The following SCUBE2 variants were observed in gnomAD, a reference collection of about 807,000 sequenced individuals.
SCUBE2 encodes the protein signal peptide, CUB and EGF-like domain-containing protein 2.
In SCUBE2, 114 loss-of-function variants were observed where a neutral mutation model predicts 125.9. That is an observed-to-expected ratio of 0.91 (90% confidence interval 0.78 to 1.06). SCUBE2 has a LOEUF of 1.06. SCUBE2 is among the 50% of genes least tolerant of loss of function. SCUBE2 has a pLI of 0.00. For missense variants in SCUBE2, 1,255 were observed against 1,301.8 expected (o/e 0.96, Z 0.55); for synonymous variants, 459 against 492.9 (o/e 0.93, Z 0.91).
chr11:9,023,368 CTTTTA>C (rs1009132631), intron 21 of SCUBE2, among the ~76,000 whole-genome samples: 1 of 150,730 alleles, frequency 6.6e-6, no homozygotes, highest in Admixed American at 6.6e-5. Flanking sequence ...TGGTGTCTTT[CTTTTA>C]TTTTAGTGAA....
At chr11:9,068,314 T>C (rs1253547220) in intron 5 of SCUBE2, among the ~76,000 whole-genome samples, 1 of 152,190 alleles carries the variant, frequency 6.6e-6, no homozygotes, top group Non-Finnish European at 1.5e-5. Context: ...GCCAGTGGTT[T>C]CCTGTTCCCA....
At chr11:9,025,318 G>A (rs761056529) in intron 21 of SCUBE2, among the ~76,000 whole-genome samples, 4 of 152,136 alleles carry the variant, frequency 2.6e-5, no homozygotes, top group East Asian at 1.9e-4. Context: ...ACTGCCTCAC[G>A]TCCTTTAGGA....
intron 10 of SCUBE2, among the ~76,000 whole-genome samples, chr11:9,054,546 A>G (rs1858802063): frequency 6.6e-6 from 1 of 151,624 alleles, no homozygotes; most frequent in Admixed American, 6.6e-5. Context: ...GTCCAGATCA[A>G]AAGGTAGCTC....
intron 10 of SCUBE2, among the ~76,000 whole-genome samples, chr11:9,055,205 G>T (rs1858959092): frequency 6.6e-6 from 1 of 152,232 alleles, no homozygotes; most frequent in South Asian, 2.1e-4. Context: ...GGCTGGGGGA[G>T]TGGAGTGGGA....
intron 18 of SCUBE2, 64 bp downstream of exon 18, chr11:9,030,694 A>G: frequency 3.3e-6 from 5 of 1,523,586 alleles, no homozygotes; most frequent in Non-Finnish European, 8.9e-7. Context: ...GAGCCTCACG[A>G]GACTCCCATG....
Position 9,091,309 on chromosome 11 carries a change from G to A in SCUBE2, c.133+87C>T, listed in dbSNP as rs977603748. ...CAGCCGCCAGCCCCGAGCCCCGCGCGCCCGGCTCTGGACTCCGCCGGGGAC... is the reference window on the plus strand; with the variant it reads ...CAGCCGCCAGCCCCGAGCCCCGCGCACCCGGCTCTGGACTCCGCCGGGGAC... On this transcript the variant is annotated intron_variant, in intron 1 of 22. Coordinates refer to ENST00000649792, the MANE Select transcript of SCUBE2 (RefSeq NM_001367977.2). This position sits in a 1 kb window ranked among gnomAD's most constrained non-coding sequence, Gnocchi z 8.5. The A allele has an allele frequency of 2.7e-5, 26 of 971,056 alleles. No homozygotes were observed. The highest frequency in any genetic ancestry group is 3.8e-5 in the East Asian group (1 of 26,078). 60.2% of individuals were successfully genotyped at this position (971,056 alleles called of 1,614,324 possible).
chr11:9,027,434 C>T lies in SCUBE2; in HGVS notation c.2631G>A (p.Leu877=). Reference sequence around the variant, plus strand: ...GCAGGAAGATCTCAGGGACCACGATCAGGATGCGGCGCTTGGGGGGTGGGT... The same window carrying T: ...GCAGGAAGATCTCAGGGACCACGATTAGGATGCGGCGCTTGGGGGGTGGGT... ...TINPPPKRRI[L]IVVPEIFLPI... The change falls in exon 20 of 23, where the codon CTG becomes CTA. Residue 877 remains leucine (L), a synonymous_variant. Transcript: ENST00000649792. The T allele has an allele frequency of 6.2e-7, 1 of 1,614,094 alleles. No individual in the cohort carries two copies. Among genetic ancestry groups the T allele is most frequent in the Non-Finnish European group, 8.5e-7 (1 of 1,180,006 alleles).
At chr11:9,047,223 C>T (rs1857867449) in intron 16 of SCUBE2, 133 bp downstream of exon 16, 2 of 880,858 alleles carry the variant, frequency 2.3e-6, no homozygotes, top group Non-Finnish European at 3.6e-6. Flanking sequence ...GTTACTGAAA[C>T]AGAAGCACTG....
At chr11:9,088,582 T>G (rs1862323581) in intron 2 of SCUBE2, among the ~76,000 whole-genome samples, 1 of 152,202 alleles carries the variant, frequency 6.6e-6, no homozygotes, top group South Asian at 2.1e-4. Flanking sequence ...TCTTACTCAT[T>G]GTGTAGCTTT....
chr11:9,090,940 G>GA (rs1162620487), intron 1 of SCUBE2, among the ~76,000 whole-genome samples: 2 of 152,196 alleles, frequency 1.3e-5, no homozygotes, highest in African/African-American at 4.8e-5. Flanking sequence ...TCCGCTGACA[G>GA]AAAAGTCTCT....
At chr11:9,045,522 C>T (rs903651889) in intron 16 of SCUBE2, among the ~76,000 whole-genome samples, 4 of 151,622 alleles carry the variant, frequency 2.6e-5, no homozygotes, top group African/African-American at 9.7e-5. Context: ...TCCACTGTAC[C>T]ATCCAGAGCT....
chr11:9,037,595 C>T (rs1003507538), intron 16 of SCUBE2, among the ~76,000 whole-genome samples: 8 of 152,254 alleles, frequency 5.3e-5, no homozygotes, highest in Non-Finnish European at 7.3e-5. Context: ...AAGCAGCCCA[C>T]GTGGATTCCC....
In SCUBE2 at chr11:9,020,034, C is replaced by G. The variant is rs1031076853; in HGVS notation, c.*1011G>C. On this transcript the variant is annotated 3_prime_UTR_variant, in exon 23 of 23. Coordinates refer to ENST00000649792, the MANE Select transcript of SCUBE2 (RefSeq NM_001367977.2). ...TGAGACCACCCTTCAAGGGGCTGCT[C>G]ATGTCCACGGAGCAGAGTCCGTCTC... 6.6e-6 allele frequency among the ~76,000 whole-genome samples: 1 copy of G among 152,178 alleles called. No individual in the cohort carries two copies. The highest frequency in any genetic ancestry group is 1.5e-5 in the Non-Finnish European group (1 of 68,026).
In SCUBE2 at chr11:9,048,021, G is replaced by A. The variant is rs768061171; in HGVS notation, c.1717C>T (p.Pro573Ser). The A allele has an allele frequency of 2.5e-6, 4 of 1,614,044 alleles. No individual in the cohort carries two copies. The African/African-American group carries it at 4.0e-5, about 16-fold the overall frequency. Residue 573 changes from proline (P) to serine (S), a missense_variant, in exon 15 of 23, where the codon CCT (proline) becomes TCT (serine). Pro to Ser is a moderately conservative substitution (Grantham distance 74, BLOSUM62 -1). Coordinates refer to ENST00000649792, the MANE Select transcript of SCUBE2 (RefSeq NM_001367977.2). The part of the protein sequence containing the change: ...CSSGKQVPGA[P>S]GRPSTPKEMF... ...TCCTTAGGGGTGCTTGGTCGGCCAG[G>A]GGCTCCTGGGACTTGCTTGCCAGAG...
chr11:9,021,673 AATAC>A (rs1251533407), intron 22 of SCUBE2, among the ~76,000 whole-genome samples, 199 bp downstream of exon 22: 1 of 152,228 alleles, frequency 6.6e-6, no homozygotes, highest in Admixed American at 6.5e-5. Flanking sequence ...CAAATTGAAA[AATAC>A]AACTTCACTT....
At chr11:9,076,430 TAG>T (rs1861219499) in intron 3 of SCUBE2, among the ~76,000 whole-genome samples, 1 of 152,022 alleles carries the variant, frequency 6.6e-6, no homozygotes, top group Non-Finnish European at 1.5e-5. Flanking sequence ...CTACCTCTAC[TAG>T]ATTGCAAACT....
At chr11:9,044,328 C>G (rs1213274539) in intron 16 of SCUBE2, among the ~76,000 whole-genome samples, 1 of 152,158 alleles carries the variant, frequency 6.6e-6, no homozygotes, top group African/African-American at 2.4e-5. Context: ...TCATAGCTCA[C>G]TGCAGCCTCG....
At chr11:9,034,634 A>G (rs563349466) in intron 16 of SCUBE2, among the ~76,000 whole-genome samples, 33 of 152,254 alleles carry the variant, frequency 2.2e-4, no homozygotes, top group African/African-American at 1.7e-4. Context: ...GCCGGCTGGG[A>G]TGGGTGGTGA....
intron 4 of SCUBE2, among the ~76,000 whole-genome samples, chr11:9,072,817 T>C (rs1430095753): frequency 1.3e-5 from 2 of 152,232 alleles, no homozygotes; most frequent in African/African-American, 4.8e-5. Flanking sequence ...CAAGAATGTC[T>C]GAATTGTAGA....
Sources: allele counts gnomAD v4.1 joint callset (sites outside exome capture counted in the v4.1 genomes callset), GRCh38; gene constraint gnomAD v4.1.1; non-coding constraint Gnocchi (gnomAD v3.1); transcripts MANE v1.5; gene names NCBI Gene and HGNC (gene_info 2026-07-23, HGNC 2026-07-21).